Variants in GRM4 observed in about 807,000 individuals in gnomAD.
GRM4 encodes the protein glutamate metabotropic receptor 4.
A neutral mutation model predicts 81.7 loss-of-function variants in GRM4; 28 were observed. The observed-to-expected ratio is 0.34, with a 90% confidence interval of 0.25 to 0.47. The LOEUF is 0.47. GRM4 is among the 20% of genes least tolerant of loss of function. The pLI, the probability that GRM4 is intolerant of heterozygous loss-of-function variation, is 1.00. For missense variants in GRM4, 948 were observed against 1,290.0 expected, an observed-to-expected ratio of 0.73 and a Z score of 4.06; for synonymous variants, 488 against 528.8, an observed-to-expected ratio of 0.92 and a Z score of 1.06.
At chr6:34,140,901 G>A (rs902899113) in intron 1 of GRM4, among the ~76,000 whole-genome samples, 2 of 152,204 alleles carry the variant, frequency 1.3e-5, no homozygotes, top group African/African-American at 4.8e-5. Context: ...AAACTGCACC[G>A]CATGAATATA....
intron 8 of GRM4, among the ~76,000 whole-genome samples, chr6:34,038,192 G>A (rs1306070747): frequency 6.6e-6 from 1 of 152,206 alleles, no homozygotes; most frequent in Non-Finnish European, 1.5e-5. Context: ...CAAGTCCTGG[G>A]ATCACAGTTC....
intron 3 of GRM4, among the ~76,000 whole-genome samples, chr6:34,075,889 A>T (rs1421479785): frequency 6.6e-6 from 1 of 152,186 alleles, no homozygotes. Context: ...ACGATAGCGG[A>T]AATGAACCTA....
rs1317886519 is a variant in GRM4 at position 34,021,774 on chromosome 6, C to T, written c.*1047G>A. On this transcript the variant is annotated 3_prime_UTR_variant, in exon 11 of 11. Coordinates refer to ENST00000538487, the MANE Select transcript of GRM4 (RefSeq NM_000841.4). The surrounding 1 kb of genome is among the most constrained non-coding windows in gnomAD (Gnocchi z 5.3). ...TCTCCAGAGCCCAGTTCCCGCTTCCCTCTAGGTCTAAGCCCTCCAGCTGCA... is the reference window on the plus strand; with the variant it reads ...TCTCCAGAGCCCAGTTCCCGCTTCCTTCTAGGTCTAAGCCCTCCAGCTGCA... The T allele has an allele frequency of 1.3e-5, 2 of 152,810 alleles. No individual in the cohort carries two copies. The highest frequency in any genetic ancestry group is 2.4e-5 in the African/African-American group (1 of 41,422). 9.5% of individuals were successfully genotyped at this position (152,810 alleles called of 1,614,324 possible). A position where few individuals can be genotyped will look rare whatever the true frequency, so the allele number is the denominator to read the frequency against.
At chr6:34,096,824 T>C (rs145465165) in intron 2 of GRM4, among the ~76,000 whole-genome samples, 39 of 152,342 alleles carry the variant, frequency 2.6e-4, no homozygotes, top group Non-Finnish European at 4.1e-4. Context: ...CTCTGGCTTC[T>C]AGAGTGACAA....
chr6:34,040,792 G>A (rs768645057), intron 6 of GRM4, 44 bp from the exon 7 acceptor site: 1 of 1,517,202 alleles, frequency 6.6e-7, no homozygotes, highest in East Asian at 2.3e-5. Flanking sequence ...GAGGCCCACT[G>A]TCCTCACAGT....
chr6:34,027,421 A>G (rs2127435698), intron 10 of GRM4, among the ~76,000 whole-genome samples: 1 of 152,072 alleles, frequency 6.6e-6, no homozygotes, highest in Non-Finnish European at 1.5e-5. Flanking sequence ...CTCCCCCACC[A>G]CAAAGCATGA....
At chr6:34,137,942 A>C (rs1770527754) in intron 1 of GRM4, among the ~76,000 whole-genome samples, 1 of 151,830 alleles carries the variant, frequency 6.6e-6, no homozygotes, top group South Asian at 2.1e-4. Context: ...TGCTTTTCCA[A>C]CTTCAATCCT....
At chr6:34,091,703 A>G (rs1768225670) in intron 3 of GRM4, 180 bp downstream of exon 3, 12 of 599,914 alleles carry the variant, frequency 2.0e-5, no homozygotes, top group Middle Eastern at 4.4e-4. Flanking sequence ...GGAGTCACCC[A>G]GAGCCCAGTG....
chr6:34,122,633 C>T lies in GRM4; in HGVS notation c.519+10345G>A, dbSNP rs1475038569. On this transcript the variant is annotated intron_variant, in intron 2 of 10. Transcript: ENST00000538487. ...GGTGGGCGGGGGGTGGGGGGGGCAG[C>T]TAACCCTGCAGACTAAGGGGGGTCC... Among the ~76,000 whole-genome samples, 10 of 151,828 alleles carry T rather than the reference C, an allele frequency of 6.6e-5. No individual in the cohort carries two copies. In the East Asian group the frequency reaches 1.8e-3, roughly 27 times the overall value.
At chr6:34,071,326 ACAC>A (rs1485177536) in intron 3 of GRM4, among the ~76,000 whole-genome samples, 1 of 130,462 alleles carries the variant, frequency 7.7e-6, no homozygotes, top group South Asian at 2.6e-4. Flanking sequence ...CACCACACAC[ACAC>A]ATCACACAGA....
chr6:34,026,800 C>T (rs773076655), intron 10 of GRM4, among the ~76,000 whole-genome samples: 13 of 152,282 alleles, frequency 8.5e-5, no homozygotes, highest in East Asian at 1.9e-4. Context: ...GTGTCACCTC[C>T]GGGAGGGGCT....
intron 6 of GRM4, among the ~76,000 whole-genome samples, chr6:34,052,237 G>C (rs1284430847): frequency 6.6e-6 from 1 of 152,220 alleles, no homozygotes; most frequent in African/African-American, 2.4e-5. Context: ...TGAGAGGTCT[G>C]TTCCTCTGTC....
At chr6:34,120,023 T>C (rs1438776623) in intron 2 of GRM4, among the ~76,000 whole-genome samples, 3 of 151,948 alleles carry the variant, frequency 2.0e-5, no homozygotes, top group Non-Finnish European at 4.4e-5. Context: ...CAGGCTGGGG[T>C]TGGGGTGTGT....
rs564350037 is a variant in GRM4 at position 34,074,795 on chromosome 6, C to A, written c.737-12767G>T. ...AAAGGGAAGCCGTGGTGTTTGGAGGCAGATGGTGGCAGGAGGGGCCTGGAT... is the reference window on the plus strand; with the variant it reads ...AAAGGGAAGCCGTGGTGTTTGGAGGAAGATGGTGGCAGGAGGGGCCTGGAT... On this transcript the variant is annotated intron_variant, in intron 3 of 10. Transcript: ENST00000538487. The surrounding 1 kb of genome is among the most constrained non-coding windows in gnomAD (Gnocchi z 4.9). Among the ~76,000 whole-genome samples, 1 of 152,292 alleles carries A rather than the reference C, an allele frequency of 6.6e-6. No homozygotes were observed. The highest frequency in any genetic ancestry group is 1.9e-4 in the East Asian group (1 of 5,188).
chr6:34,060,353 C>G lies in GRM4; in HGVS notation c.873-1225G>C, dbSNP rs1047003515. On this transcript the variant is annotated intron_variant, in intron 4 of 10. Coordinates refer to ENST00000538487, the MANE Select transcript of GRM4 (RefSeq NM_000841.4). ...GCCAGCCTGAGATGGCCAGAGCTCC[C>G]GATCATCCAGCCCTGCAGAGTCACC... The G allele has an allele frequency of 7.2e-5, 11 of 152,200 alleles. 1 individual carries two copies. Among genetic ancestry groups the G allele is most frequent in the Admixed American group, 5.2e-4 (8 of 15,268 alleles). 9.4% of individuals were successfully genotyped at this position (152,200 alleles called of 1,614,324 possible).
At chr6:34,091,359 T>A (rs1768198385) in intron 3 of GRM4, among the ~76,000 whole-genome samples, 1 of 152,100 alleles carries the variant, frequency 6.6e-6, no homozygotes, top group Non-Finnish European at 1.5e-5. Flanking sequence ...GGAGAATAAA[T>A]ACTTGCCAGA....
chr6:34,023,014 C>G, intron 10 of GRM4, 144 bp from the exon 11 acceptor site: 1 of 693,886 alleles, frequency 1.4e-6, no homozygotes, highest in South Asian at 1.6e-5. Flanking sequence ...GCAATCGACA[C>G]TGCCCCAAAC....
chr6:34,043,158 C>A (rs543638634), intron 6 of GRM4, among the ~76,000 whole-genome samples: 1 of 152,358 alleles, frequency 6.6e-6, no homozygotes, highest in Admixed American at 6.5e-5. Context: ...GACCCCACCC[C>A]TGCTCCATCC....
rs1765040986 is a variant in GRM4 at position 34,042,024 on chromosome 6, G to A, written c.1169-1276C>T. ...CCCAGCACTTTGGGAGACTGAGGTGGGTGGATCACTTGAGGTCAGGAGTTC... is the reference window on the plus strand; with the variant it reads ...CCCAGCACTTTGGGAGACTGAGGTGAGTGGATCACTTGAGGTCAGGAGTTC... On this transcript the variant is annotated intron_variant, in intron 6 of 10. Coordinates refer to ENST00000538487, the MANE Select transcript of GRM4 (RefSeq NM_000841.4). This position sits in a 1 kb window ranked among gnomAD's most constrained non-coding sequence, Gnocchi z 4.2. 6.6e-6 allele frequency among the ~76,000 whole-genome samples: 1 copy of A among 152,124 alleles called. No individual in the cohort carries two copies. The highest frequency in any genetic ancestry group is 2.1e-4 in the South Asian group (1 of 4,818).
Sources: gnomAD v4.1 joint callset for allele counts (sites outside exome capture counted in the v4.1 genomes callset) on GRCh38, gnomAD v4.1.1 for gene constraint, Gnocchi (gnomAD v3.1) non-coding constraint, MANE v1.5 for transcripts, NCBI Gene and HGNC (gene_info 2026-07-23, HGNC 2026-07-21) for gene names.